LUZP4: variants seen among roughly 807,000 people sequenced by gnomAD.
The protein encoded by LUZP4 is HOM-TES-85 tumor antigen.
A neutral mutation model predicts 8.5 loss-of-function variants in LUZP4; 11 were observed. That is an observed-to-expected ratio of 1.30 (90% CI 0.82 to 2.14). The LOEUF is 2.14. LUZP4 is among the 30% of genes most tolerant of loss of function. LUZP4 has a pLI of 0.00. For missense variants in LUZP4, 276 were observed against 229.7 expected, an observed-to-expected ratio of 1.20 and a Z score of -1.30; for synonymous variants, 104 against 79.4, an observed-to-expected ratio of 1.31 and a Z score of -1.65.
chrX:115,306,883 G>A lies in LUZP4; in HGVS notation c.*79G>A. On this transcript the variant is annotated 3_prime_UTR_variant, in exon 4 of 4. Coordinates refer to ENST00000371920, the MANE Select transcript of LUZP4 (RefSeq NM_016383.5). ...TCTAATGGCTAAATATGTATTTGTT[G>A]AAACATGTATATTGGGACAAAGACA... 3 of 914,736 alleles carry A rather than the reference G, an allele frequency of 3.3e-6. No homozygotes were observed. The highest frequency in any genetic ancestry group is 4.6e-6 in the Non-Finnish European group (3 of 646,147). The allele number at this position is 914,736 out of a possible 1,213,427, so 75.4% of individuals were successfully genotyped here.
Position 115,302,035 on chromosome X carries a change from A to C in LUZP4, c.135A>C (p.Glu45Asp). The change falls in exon 2 of 4, where the codon GAA becomes GAC. Residue 45 changes from glutamate (E) to aspartate (D), a missense_variant. Transcript: ENST00000371920. ...IYKELEGTNA[E>D]EEKNKRQNHS... ...AAGAGTTAGAAGGGACAAATGCTGAAGAAGAAAAGAATAAAAGACAGAACC... is the reference window on the plus strand; with the variant it reads ...AAGAGTTAGAAGGGACAAATGCTGACGAAGAAAAGAATAAAAGACAGAACC... 8.5e-7 allele frequency: 1 copy of C among 1,178,132 alleles called. No homozygotes were observed. The highest frequency in any genetic ancestry group is 1.2e-6 in the Non-Finnish European group (1 of 869,096).
chrX:115,293,585 C>G (rs1039594542), intron 1 of LUZP4, among the ~76,000 whole-genome samples: 1 of 111,084 alleles, frequency 9.0e-6, no homozygotes, highest in Non-Finnish European at 1.9e-5. Context: ...GCCTTTGATA[C>G]TATCCTTTTT....
In LUZP4 at chrX:115,303,876, G is replaced by A. The variant is rs140843417; in HGVS notation, c.342+458G>A. On this transcript the variant is annotated intron_variant, in intron 3 of 3. Transcript: ENST00000371920. ...GTACAAATCCATTTCCTCTAAACAC[G>A]TATAGGTGAGCCAGTCAATAGACAG... Among the ~76,000 whole-genome samples the A allele has an allele frequency of 6.5e-4, 73 of 111,728 alleles. No individual in the cohort carries two copies. The East Asian group carries it at 0.011, about 17-fold the overall frequency.
chrX:115,306,748 G>A lies in LUZP4; in HGVS notation c.886G>A (p.Gly296Ser). The change falls in exon 4 of 4, where the codon GGC (glycine) becomes AGC (serine). Residue 296 changes from glycine to serine, a missense_variant. Gly to Ser is a moderately conservative substitution (Grantham distance 56). Transcript: ENST00000371920. ...CATAAATCAGTCAGGGAGATCTCAT[G>A]GCCAATCAGAAAGACATCAGAGATA... Reference protein sequence around the residue: ...DLINQSGRSHGQSERHQRYST... With the variant: ...DLINQSGRSHSQSERHQRYST... The A allele has an allele frequency of 8.3e-7, 1 of 1,209,195 alleles. No homozygotes were observed. The highest frequency in any genetic ancestry group is 1.1e-6 in the Non-Finnish European group (1 of 893,543).
Position 115,306,789 on chromosome X carries a change from T to C in LUZP4, c.927T>C (p.Asn309=). 4.2e-6 allele frequency: 5 copies of C among 1,203,227 alleles called. No homozygotes were observed. Among genetic ancestry groups the C allele is most frequent in the Non-Finnish European group, 5.6e-6 (5 of 888,185 alleles). Residue 309 remains asparagine, a synonymous_variant, in exon 4 of 4, where the codon AAT becomes AAC. Transcript: ENST00000371920. ...ERHQRYSTGK[N]TITT ...ATCAGAGATACTCAACAGGTAAAAA[T>C]ACAATAACTACTTAATCATCAGAAC...
Position 115,307,010 on chromosome X carries a change from T to C in LUZP4, c.*206T>C. The stretch of plus-strand genomic sequence containing the variant: ...TTACCCAGGATGTCCCATTAAGTTG[T>C]TCCCGGTAGGTCTGCTTTCCCTGGA... On this transcript the variant is annotated 3_prime_UTR_variant, in exon 4 of 4. Transcript: ENST00000371920. 2.3e-6 allele frequency: 1 copy of C among 431,794 alleles called. No homozygotes were observed. Among genetic ancestry groups the C allele is most frequent in the South Asian group, 3.6e-5 (1 of 27,511 alleles). The allele number at this position is 431,794 out of a possible 1,213,427, so 35.6% of individuals were successfully genotyped here.
In LUZP4 at chrX:115,294,981, C is replaced by T. The variant is rs1307851191; in HGVS notation, c.91+5131C>T. The stretch of plus-strand genomic sequence containing the variant: ...TTGGTTCTCTATATCCATATTTATA[C>T]CTTTTTAGACAGATGAGAATCCCAG... On this transcript the variant is annotated intron_variant, in intron 1 of 3. Transcript: ENST00000371920. 9.8e-5 allele frequency among the ~76,000 whole-genome samples: 11 copies of T among 112,283 alleles called. No homozygotes were observed. In the Admixed American group the frequency reaches 1.0e-3, roughly 11 times the overall value.
chrX:115,295,688 T>C (rs1454360939), intron 1 of LUZP4, among the ~76,000 whole-genome samples: 1 of 107,463 alleles, frequency 9.3e-6, no homozygotes, highest in Admixed American at 1.0e-4. Context: ...ATTAGAGTCC[T>C]TTTTTTTTTT....
chrX:115,306,989 C>T lies in LUZP4; in HGVS notation c.*185C>T, dbSNP rs1187302113. 2 of 465,765 alleles carry T rather than the reference C, an allele frequency of 4.3e-6. No homozygotes were observed. The highest frequency in any genetic ancestry group is 4.9e-5 in the African/African-American group (2 of 40,806). 38.4% of individuals were successfully genotyped at this position (465,765 alleles called of 1,213,427 possible). ...GTCCTCTAAGCTATCATCCAGTTAC[C>T]CAGGATGTCCCATTAAGTTGTTCCC... On this transcript the variant is annotated 3_prime_UTR_variant, in exon 4 of 4. Transcript: ENST00000371920.
At position 115,306,485 on chromosome X, in the gene LUZP4, C is replaced by G. The variant is rs1556604028; in HGVS notation, c.623C>G (p.Ser208Ter). 2.5e-6 allele frequency: 3 copies of G among 1,207,917 alleles called. No homozygotes were observed. In the East Asian group the frequency reaches 8.9e-5, roughly 36 times the overall value. The stretch of plus-strand genomic sequence containing the variant: ...CAATCTGAGAGATCTCATGGCCACT[C>G]AGAGAGATCTCATGGTCACTCAGAG... ...HGQSERSHGH[S>*]ERSHGHSERS... The change falls in exon 4 of 4, where the codon TCA becomes TGA. Residue 208 changes from serine (S) to a stop codon, truncating the protein, a stop_gained. Coordinates refer to ENST00000371920, the MANE Select transcript of LUZP4 (RefSeq NM_016383.5). LOFTEE classifies it low-confidence loss of function (END_TRUNC).
chrX:115,292,983 A>G (rs1224300038), intron 1 of LUZP4, among the ~76,000 whole-genome samples: 1 of 111,285 alleles, frequency 9.0e-6, no homozygotes, highest in Non-Finnish European at 1.9e-5. Context: ...ACAAGTTCTG[A>G]AATATTTTGT....
chrX:115,303,961 C>T (rs2073409248), intron 3 of LUZP4, among the ~76,000 whole-genome samples: 1 of 112,193 alleles, frequency 8.9e-6, no homozygotes, highest in Non-Finnish European at 1.9e-5. Context: ...ATGTTTCATC[C>T]TAGCTTATAA....
At chrX:115,301,103 T>C (rs2073395129) in intron 1 of LUZP4, among the ~76,000 whole-genome samples, 1 of 111,268 alleles carries the variant, frequency 9.0e-6, no homozygotes, top group African/African-American at 3.3e-5. Flanking sequence ...GCCTCTTTTG[T>C]ACCCTTTTCA....
intron 1 of LUZP4, among the ~76,000 whole-genome samples, chrX:115,296,166 T>C (rs1360277800): frequency 3.6e-5 from 4 of 111,921 alleles, no homozygotes; most frequent in African/African-American, 1.3e-4. Flanking sequence ...AAAATAGTGG[T>C]TTCAACCCAC....
chrX:115,302,534 A>G (rs2073402192), intron 2 of LUZP4, among the ~76,000 whole-genome samples: 1 of 112,700 alleles, frequency 8.9e-6, no homozygotes, highest in Non-Finnish European at 1.9e-5. Context: ...AGAAGGGTAG[A>G]ACATGACAAA....
chrX:115,297,927 C>T (rs1556599846), intron 1 of LUZP4, among the ~76,000 whole-genome samples: 1 of 108,989 alleles, frequency 9.2e-6, no homozygotes, highest in East Asian at 2.9e-4. Context: ...AATTCTCCTG[C>T]CTCAGCCTCC....
In LUZP4 at chrX:115,306,210, G is replaced by T. The variant is rs2073419086; in HGVS notation, c.348G>T (p.Lys116Asn). 1 of 1,207,354 alleles carries T rather than the reference G, an allele frequency of 8.3e-7. No homozygotes were observed. Residue 116 changes from lysine (K) to asparagine (N), a missense_variant, in exon 4 of 4, where the codon AAG becomes AAT. Coordinates refer to ENST00000371920, the MANE Select transcript of LUZP4 (RefSeq NM_016383.5). ...ATAATTGGGATCCTTTTCAGGAGAA[G>T]TGCAGTGACAATTATGAGGCCCAAG... ...LNGQPLIEQE[K>N]CSDNYEAQAE...
intron 1 of LUZP4, among the ~76,000 whole-genome samples, chrX:115,300,651 G>T (rs1166333634): frequency 9.0e-6 from 1 of 111,297 alleles, no homozygotes; most frequent in African/African-American, 3.3e-5. Flanking sequence ...TTCCCTCCAT[G>T]GGCAGGTGTC....
In LUZP4 at chrX:115,289,767, C is replaced by T. The variant is rs150784740; in HGVS notation, c.8C>T (p.Ser3Leu). Reference sequence around the variant, plus strand: ...CGCCATGATGCAGGGAAGATGGCTTCGTTTCGGAAGCTAACGCTTTCTGAA... The same window carrying T: ...CGCCATGATGCAGGGAAGATGGCTTTGTTTCGGAAGCTAACGCTTTCTGAA... MA[S>L]FRKLTLSEKV... Residue 3 changes from serine (S) to leucine (L), a missense_variant, in exon 1 of 4, where the codon TCG (serine) becomes TTG (leucine). Transcript: ENST00000371920. The T allele has an allele frequency of 6.6e-6, 8 of 1,207,190 alleles. No homozygotes were observed. The highest frequency in any genetic ancestry group is 1.8e-5 in the South Asian group (1 of 56,839).
Sources: gnomAD v4.1 joint callset for allele counts (sites outside exome capture counted in the v4.1 genomes callset) on GRCh38, gnomAD v4.1.1 for gene constraint, MANE v1.5 for transcripts, NCBI Gene and HGNC (gene_info 2026-07-23, HGNC 2026-07-21) for gene names.